Variants in ERBB4 observed in about 807,000 individuals in gnomAD.
ERBB4 encodes receptor tyrosine-protein kinase erbB-4.
In ERBB4, 42 loss-of-function variants were observed where a neutral mutation model predicts 158.0. The ratio of observed to expected loss-of-function variants is 0.27; its 90% CI spans 0.21 to 0.34. ERBB4 has a LOEUF of 0.34. Ranked by LOEUF, ERBB4 falls within the 10% of genes least tolerant of loss-of-function variation. The pLI, the probability that ERBB4 is intolerant of heterozygous loss-of-function variation, is 1.00. For synonymous variants in ERBB4, 583 were observed against 558.7 expected (o/e 1.04, Z -0.61); for missense variants, 1,333 against 1,624.1 (o/e 0.82, Z 3.08).
intron 3 of ERBB4, among the ~76,000 whole-genome samples, chr2:211,935,124 ATAAAT>A (rs1296791951): frequency 1.3e-5 from 2 of 152,098 alleles, no homozygotes; most frequent in African/African-American, 4.8e-5. Context: ...TCTGAACTCT[ATAAAT>A]TATTGTATGC....
Position 211,801,117 on chromosome 2 carries a change from A to G in ERBB4, c.422-12958T>C, listed in dbSNP as rs909379746. 8.5e-5 allele frequency among the ~76,000 whole-genome samples: 13 copies of G among 152,196 alleles called. 1 individual carries two copies. The highest frequency in any genetic ancestry group is 3.1e-4 in the African/African-American group (13 of 41,464). ...ATAATTTATTTCCTATTATTTGTTG[A>G]GTAATTCACATAAAGAAAGCAAAAG... On this transcript the variant is annotated intron_variant, in intron 3 of 27. Transcript: ENST00000342788.
At chr2:212,513,905 T>C (rs1691674525) in intron 1 of ERBB4, among the ~76,000 whole-genome samples, 1 of 152,214 alleles carries the variant, frequency 6.6e-6, no homozygotes, top group Admixed American at 6.5e-5. Flanking sequence ...GAACTCAGGT[T>C]TGTCGACTCT....
intron 8 of ERBB4, 108 bp from the exon 9 acceptor site, chr2:211,712,284 A>T: frequency 9.3e-7 from 1 of 1,074,128 alleles, no homozygotes; most frequent in Non-Finnish European, 1.4e-6. Context: ...GTAACATATA[A>T]AATATATTAC....
intron 1 of ERBB4, among the ~76,000 whole-genome samples, chr2:212,431,604 A>G (rs1230863724): frequency 6.6e-6 from 1 of 152,152 alleles, no homozygotes; most frequent in Admixed American, 6.6e-5. Flanking sequence ...AGCATTCCTC[A>G]ATGGCTTCTC....
intron 1 of ERBB4, among the ~76,000 whole-genome samples, chr2:212,248,828 T>C (rs1480599607): frequency 6.6e-6 from 1 of 152,174 alleles, no homozygotes; most frequent in Non-Finnish European, 1.5e-5. Context: ...ACATGATTCT[T>C]AGTAAACATC....
At chr2:211,990,738 G>A (rs1434591516) in intron 2 of ERBB4, among the ~76,000 whole-genome samples, 1 of 151,618 alleles carries the variant, frequency 6.6e-6, no homozygotes, top group Non-Finnish European at 1.5e-5. Flanking sequence ...TGGTATCCTC[G>A]ACCAGCATCT....
At chr2:211,860,281 T>C (rs773546907) in intron 3 of ERBB4, among the ~76,000 whole-genome samples, 1 of 152,176 alleles carries the variant, frequency 6.6e-6, no homozygotes, top group African/African-American at 2.4e-5. Flanking sequence ...TTACTCCAAT[T>C]ATTTTCTAAC....
chr2:212,055,564 C>T (rs2077535483), intron 2 of ERBB4, among the ~76,000 whole-genome samples: 1 of 152,216 alleles, frequency 6.6e-6, no homozygotes, highest in African/African-American at 2.4e-5. Flanking sequence ...CAGCCGGGTA[C>T]CCCGCTGAGA....
intron 1 of ERBB4, among the ~76,000 whole-genome samples, chr2:212,204,623 G>A (rs1288582199): frequency 6.6e-6 from 1 of 151,440 alleles, no homozygotes; most frequent in East Asian, 2.0e-4. Flanking sequence ...CGTGAACCTT[G>A]GAGGCAGAGG....
chr2:212,108,552 T>C (rs2125534434), intron 2 of ERBB4, among the ~76,000 whole-genome samples: 1 of 152,290 alleles, frequency 6.6e-6, no homozygotes, highest in East Asian at 1.9e-4. Flanking sequence ...CAAGTCCCTG[T>C]TGGATACAAC....
At position 211,377,119 on chromosome 2, in the gene ERBB4, C is replaced by T. The variant is rs545362234; in HGVS notation, c.*6496G>A. On this transcript the variant is annotated 3_prime_UTR_variant, in exon 28 of 28. Coordinates refer to ENST00000342788, the MANE Select transcript of ERBB4 (RefSeq NM_005235.3). ...ATGGTTGTAGTCCCCTCACTCCCCCCTCCCAGCCCCTGAGAGATCCAGAAA... is the reference window on the plus strand; with the variant it reads ...ATGGTTGTAGTCCCCTCACTCCCCCTTCCCAGCCCCTGAGAGATCCAGAAA... 3 of 232,942 alleles carry T rather than the reference C, an allele frequency of 1.3e-5. No homozygotes were observed. Among genetic ancestry groups the T allele is most frequent in the Admixed American group, 1.1e-4 (2 of 17,732 alleles). 14.4% of individuals were successfully genotyped at this position (232,942 alleles called of 1,614,324 possible).
intron 1 of ERBB4, among the ~76,000 whole-genome samples, chr2:212,312,884 A>G (rs1574657217): frequency 6.6e-6 from 1 of 150,988 alleles, no homozygotes; most frequent in East Asian, 2.0e-4. Flanking sequence ...TTGATTGTAA[A>G]TTTTCAGAAA....
At chr2:211,600,815 T>C (rs976745615) in intron 19 of ERBB4, among the ~76,000 whole-genome samples, 1 of 152,078 alleles carries the variant, frequency 6.6e-6, no homozygotes, top group Admixed American at 6.6e-5. Context: ...CTACTTGGAA[T>C]CATCTGTAAA....
chr2:212,400,584 T>G (rs1166147364), intron 1 of ERBB4, among the ~76,000 whole-genome samples: 4 of 152,186 alleles, frequency 2.6e-5, no homozygotes, highest in Admixed American at 1.3e-4. Context: ...TTTAGATAGA[T>G]CATCAAAATT....
intron 4 of ERBB4, among the ~76,000 whole-genome samples, chr2:211,776,101 C>T (rs2106285796): frequency 6.6e-6 from 1 of 152,200 alleles, no homozygotes; most frequent in East Asian, 1.9e-4. Context: ...GACTTTAGGG[C>T]TAAGTGTAGT....
At chr2:211,510,487 A>G (rs2065859573) in intron 20 of ERBB4, among the ~76,000 whole-genome samples, 1 of 152,246 alleles carries the variant, frequency 6.6e-6, no homozygotes, top group Non-Finnish European at 1.5e-5. Flanking sequence ...AACAGAAGAC[A>G]GCATAGTGCC....
chr2:211,654,302 C>A (rs938858580), intron 16 of ERBB4, among the ~76,000 whole-genome samples: 11 of 152,288 alleles, frequency 7.2e-5, no homozygotes, highest in African/African-American at 2.4e-4. Context: ...CCTCACAAGT[C>A]AATTGATTCT....
At chr2:212,512,216 C>T (rs1445353330) in intron 1 of ERBB4, among the ~76,000 whole-genome samples, 1 of 152,074 alleles carries the variant, frequency 6.6e-6, no homozygotes, top group Non-Finnish European at 1.5e-5. Context: ...CTACACTACA[C>T]CTTTGGAGTC....
At chr2:212,207,108 A>C (rs1327669101) in intron 1 of ERBB4, among the ~76,000 whole-genome samples, 1 of 152,138 alleles carries the variant, frequency 6.6e-6, no homozygotes, top group Non-Finnish European at 1.5e-5. Flanking sequence ...GTATAAACAT[A>C]TTCCAGAAAA....
Sources: gnomAD v4.1 joint callset for allele counts (sites outside exome capture counted in the v4.1 genomes callset) on GRCh38, gnomAD v4.1.1 for gene constraint, MANE v1.5 for transcripts, NCBI Gene and HGNC (gene_info 2026-07-23, HGNC 2026-07-21) for gene names.